Variants in TTN observed in about 807,000 individuals in gnomAD.
TTN encodes the protein titin.
TTN carries 1,525 observed loss-of-function variants against 3,223.0 expected under a neutral mutation model. That is an observed-to-expected ratio of 0.47 (90% CI 0.45 to 0.49). TTN has a LOEUF of 0.49. TTN is among the 20% of genes least tolerant of loss of function. TTN has a pLI of 0.00. For synonymous variants in TTN, 14,094 were observed against 15,161.0 expected, an observed-to-expected ratio of 0.93 and a Z score of 5.17; for missense variants, 40,786 against 43,424.0, an observed-to-expected ratio of 0.94 and a Z score of 5.40.
chr2:178,794,797 G>C, intron 7 of TTN, 125 bp downstream of exon 7: 1 of 1,327,666 alleles, frequency 7.5e-7, no homozygotes, highest in Non-Finnish European at 1.1e-6. Context: ...GTCTTCAGTT[G>C]CTGCTATATT....
In TTN at chr2:178,560,816, C is replaced by A. The variant is rs764437671; in HGVS notation, c.85316G>T (p.Arg28439Leu). The A allele has an allele frequency of 1.1e-5, 18 of 1,613,624 alleles. No homozygotes were observed. The highest frequency in any genetic ancestry group is 1.5e-5 in the Non-Finnish European group (18 of 1,179,766). The change falls in exon 326 of 363, where the codon CGG becomes CTG. Residue 28439 changes from arginine (R) to leucine (L), a missense_variant. By Grantham distance (102) the Arg-to-Leu change is moderately radical. Coordinates refer to ENST00000589042, the MANE Select transcript of TTN (RefSeq NM_001267550.2). ...VLTLKNVAGT[R>L]SVAVNCKVLD... ...TACTTTGCAATTAACGGCCACAGAC[C>A]GAGTGCCGGCAACATTCTTCAGTGT...
chr2:178,648,585 T>G (rs2062402116), intron 213 of TTN, among the ~76,000 whole-genome samples: 1 of 152,076 alleles, frequency 6.6e-6, no homozygotes, highest in South Asian at 2.1e-4. Context: ...AATTTTTGTA[T>G]TTTTAGTAGA....
intron 47 of TTN, chr2:178,750,136 T>C (rs2154329765): frequency 6.2e-7 from 1 of 1,613,082 alleles, no homozygotes; most frequent in Middle Eastern, 1.7e-4. Flanking sequence ...GAGGAACTGG[T>C]GGGTTAGTTT....
Position 178,546,744 on chromosome 2 carries a change from T to C in TTN, c.94684A>G (p.Thr31562Ala). 2 of 1,613,772 alleles carry C rather than the reference T, an allele frequency of 1.2e-6. No homozygotes were observed. The highest frequency in any genetic ancestry group is 1.7e-6 in the Non-Finnish European group (2 of 1,179,752). ...GTGAAGAAATTGTCAGATACAATGG[T>C]GTAGTTGCACTTCAGCCAGCGACCA... ...GDGRWLKCNY[T>A]IVSDNFFTVT... Residue 31562 changes from threonine to alanine, a missense_variant, in exon 341 of 363, where the codon ACC becomes GCC. By Grantham distance (58) the Thr-to-Ala change is moderately conservative. Coordinates refer to ENST00000589042, the MANE Select transcript of TTN (RefSeq NM_001267550.2).
At position 178,541,379 on chromosome 2, in the gene TTN, T is replaced by G; in HGVS notation, c.97698A>C (p.Glu32566Asp). 1 of 1,609,484 alleles carries G rather than the reference T, an allele frequency of 6.2e-7. No individual in the cohort carries two copies. The highest frequency in any genetic ancestry group is 8.5e-7 in the Non-Finnish European group (1 of 1,177,694). Residue 32566 changes from glutamate (E) to aspartate (D), a missense_variant, in exon 350 of 363, where the codon GAA (glutamate) becomes GAC (aspartate). Coordinates refer to ENST00000589042, the MANE Select transcript of TTN (RefSeq NM_001267550.2). Reference protein sequence around the residue: ...MTRYRSTGLTEGLEYEHRVTA... With the variant: ...MTRYRSTGLTDGLEYEHRVTA... ...TGACACGGTGTTCATATTCTAAGCC[T>G]TCAGTAAGGCCAGTGGAGCGGTACC... is the stretch of plus-strand genomic sequence containing the variant.
chr2:178,534,759 GCTT>G lies in TTN; in HGVS notation c.101853_101855del (p.Arg33951del), dbSNP rs1347173041. On this transcript the variant is annotated inframe_deletion, in exon 358 of 363. Transcript: ENST00000589042. ...CAAATTCTATGATTTTAATGGTAGA[GCTT>G]CTTCTGGTTTGGTAAATGATATTTT... is the stretch of plus-strand genomic sequence containing the variant. The G allele has an allele frequency of 6.2e-7, 1 of 1,613,668 alleles. No homozygotes were observed. Among genetic ancestry groups the G allele is most frequent in the Admixed American group, 1.7e-5 (1 of 60,006 alleles).
At chr2:178,671,059 G>C in intron 156 of TTN, 31 bp downstream of exon 156, 1 of 1,552,092 alleles carries the variant, frequency 6.4e-7, no homozygotes, top group Non-Finnish European at 8.8e-7. Flanking sequence ...TGTATGTAAA[G>C]TTAAGTAGTA....
Position 178,693,697 on chromosome 2 carries a change from A to G in TTN, c.31514-8T>C. 6.3e-7 allele frequency: 1 copy of G among 1,585,766 alleles called. No individual in the cohort carries two copies. Among genetic ancestry groups the G allele is most frequent in the Non-Finnish European group, 8.6e-7 (1 of 1,162,008 alleles). The stretch of plus-strand genomic sequence containing the variant: ...CCTTTTGTACCTCGGGGACTTAAAA[A>G]AATGTACATTTTAATTACTGATATG... On this transcript the variant is annotated splice_region_variant and splice_polypyrimidine_tract_variant and intron_variant, in intron 118 of 362. Coordinates refer to ENST00000589042, the MANE Select transcript of TTN (RefSeq NM_001267550.2).
At chr2:178,628,312 CT>C (rs2059340082) in intron 240 of TTN, among the ~76,000 whole-genome samples, 1 of 151,938 alleles carries the variant, frequency 6.6e-6, no homozygotes, top group Admixed American at 6.6e-5. Context: ...AATTATATTC[CT>C]TTAAGTCTTC....
In TTN at chr2:178,536,460, A is replaced by G; in HGVS notation, c.100287T>C (p.Leu33429=). ...DGGAKIRNYY[L]EKREKKQNKW... Reference sequence around the variant, plus strand: ...TATTCTGCTTCTTCTCACGCTTCTCAAGGTAGTAATTTCTAATCTTTGCAC... The same window carrying G: ...TATTCTGCTTCTTCTCACGCTTCTCGAGGTAGTAATTTCTAATCTTTGCAC... The change falls in exon 357 of 363, where the codon CTT becomes CTC. Residue 33429 remains leucine, a synonymous_variant. Coordinates refer to ENST00000589042, the MANE Select transcript of TTN (RefSeq NM_001267550.2). 1 of 1,605,296 alleles carries G rather than the reference A, an allele frequency of 6.2e-7. No individual in the cohort carries two copies. Among genetic ancestry groups the G allele is most frequent in the East Asian group, 2.2e-5 (1 of 44,808 alleles).
chr2:178,611,973 AT>A lies in TTN; in HGVS notation c.50355-20del. On this transcript the variant is annotated intron_variant, in intron 267 of 362. Transcript: ENST00000589042. ...GACATATCTATTGAAACAACAAAGC[AT>A]TTCATTAGCATTAATGAAAAAACAC... 1 of 1,607,208 alleles carries A rather than the reference AT, an allele frequency of 6.2e-7. No homozygotes were observed. Among genetic ancestry groups the A allele is most frequent in the African/African-American group, 1.3e-5 (1 of 74,496 alleles).
chr2:178,561,399 C>T lies in TTN; in HGVS notation c.84733G>A (p.Glu28245Lys), dbSNP rs1481882166. Residue 28245 changes from glutamate to lysine, a missense_variant, in exon 326 of 363, where the codon GAA (glutamate) becomes AAA (lysine). Physicochemically the swap from Glu to Lys is moderately conservative, Grantham distance 56. Transcript: ENST00000589042. ...AGIGKCSKSC[E>K]PVPARDPCDP... ...CAAGGATCTCTTGCAGGGACTGGTT[C>T]ACAAGATTTACTGCATTTACCAATT... 6.2e-7 allele frequency: 1 copy of T among 1,613,736 alleles called. No homozygotes were observed. The highest frequency in any genetic ancestry group is 8.5e-7 in the Non-Finnish European group (1 of 1,179,790).
Position 178,593,068 on chromosome 2 carries a change from G to T in TTN, c.59051C>A (p.Pro19684His). The change falls in exon 300 of 363, where the codon CCT becomes CAT. Residue 19684 changes from proline to histidine, a missense_variant. Coordinates refer to ENST00000589042, the MANE Select transcript of TTN (RefSeq NM_001267550.2). ...AKDPIAKPSP[P>H]VNPEAIDTTC... ...TGTATCTATTGCTTCAGGATTAACA[G>T]GTGGACTTGGTTTAGCTAAAAAATA... 1 of 1,612,640 alleles carries T rather than the reference G, an allele frequency of 6.2e-7. No individual in the cohort carries two copies. The highest frequency in any genetic ancestry group is 8.5e-7 in the Non-Finnish European group (1 of 1,179,416).
At position 178,679,633 on chromosome 2, in the gene TTN, A is replaced by G. The variant is rs1560317643; in HGVS notation, c.33630T>C (p.Pro11210=). 1 of 1,611,996 alleles carries G rather than the reference A, an allele frequency of 6.2e-7. No homozygotes were observed. Among genetic ancestry groups the G allele is most frequent in the East Asian group, 2.2e-5 (1 of 44,860 alleles). Residue 11210 remains proline (P), a synonymous_variant, in exon 141 of 363, where the codon CCT becomes CCC. Coordinates refer to ENST00000589042, the MANE Select transcript of TTN (RefSeq NM_001267550.2). ...KPVPEEKKPV[P]VPKKKEAPPA... is the part of the protein sequence containing the mutation. ...GTGGAGCTTCCTTCTTCTTGGGAAC[A>G]GGAACAGGTTTCTTCTCTTCTGGAA...
At position 178,544,665 on chromosome 2, in the gene TTN, A is replaced by C. The variant is rs560544995; in HGVS notation, c.95723-159T>G. On this transcript the variant is annotated intron_variant, in intron 344 of 362. Transcript: ENST00000589042. ...GGCTCCTGATATTATAGGACAGCAC[A>C]GAGTGCCACATTATAATTTAATATT... is the stretch of plus-strand genomic sequence containing the variant. Among the ~76,000 whole-genome samples, 4 of 152,350 alleles carry C rather than the reference A, an allele frequency of 2.6e-5. No homozygotes were observed. The South Asian group carries it at 8.3e-4, about 32-fold the overall frequency.
At chr2:178,783,125 T>C (rs2092920502) in intron 17 of TTN, 61 bp from the exon 18 acceptor site, 3 of 1,587,266 alleles carry the variant, frequency 1.9e-6, no homozygotes, top group Admixed American at 3.4e-5. Context: ...CACTTCTGTT[T>C]TGTAACAAAT....
intron 288 of TTN, 118 bp from the exon 289 acceptor site, chr2:178,599,968 C>A (rs2052854273): frequency 7.5e-6 from 7 of 929,634 alleles, no homozygotes; most frequent in Non-Finnish European, 1.1e-5. Flanking sequence ...GTAGCTCAGC[C>A]CAATATAAAG....
chr2:178,559,456 C>A lies in TTN; in HGVS notation c.86676G>T (p.Trp28892Cys), dbSNP rs779407441. 7 of 1,613,718 alleles carry A rather than the reference C, an allele frequency of 4.3e-6. No individual in the cohort carries two copies. The Admixed American group carries it at 8.3e-5, about 19-fold the overall frequency. ...GGTTACAGTTGTTGGTCACAGAGAC[C>A]CATGCTTTCTTGCTGGCCTCACGTT... ...IEKREASKKA[W>C]VSVTNNCNRL... Residue 28892 changes from tryptophan (W) to cysteine (C), a missense_variant, in exon 326 of 363, where the codon TGG (tryptophan) becomes TGT (cysteine). Trp to Cys is a radical substitution (Grantham distance 215). Coordinates refer to ENST00000589042, the MANE Select transcript of TTN (RefSeq NM_001267550.2).
Position 178,575,964 on chromosome 2 carries a change from T to G in TTN, c.70168A>C (p.Asn23390His). Residue 23390 changes from asparagine to histidine, a missense_variant, in exon 326 of 363, where the codon AAC (asparagine) becomes CAC (histidine). Transcript: ENST00000589042. This position sits in a 1 kb window ranked among gnomAD's most constrained non-coding sequence, Gnocchi z 4.0. Reference sequence around the variant, plus strand: ...GTAAATGATTCCGTATTTTCAATGTTGGCTCGGTTTTTCAGGTTGATGTTA... The same window carrying G: ...GTAAATGATTCCGTATTTTCAATGTGGGCTCGGTTTTTCAGGTTGATGTTA... ...KDNINLKNRA[N>H]IENTESFTLL... 1 of 1,611,688 alleles carries G rather than the reference T, an allele frequency of 6.2e-7. No individual in the cohort carries two copies. The highest frequency in any genetic ancestry group is 8.5e-7 in the Non-Finnish European group (1 of 1,178,042).
Sources: gnomAD v4.1 joint callset for allele counts (sites outside exome capture counted in the v4.1 genomes callset) on GRCh38, gnomAD v4.1.1 for gene constraint, Gnocchi (gnomAD v3.1) non-coding constraint, MANE v1.5 for transcripts, NCBI Gene and HGNC (gene_info 2026-07-23, HGNC 2026-07-21) for gene names.